Variants in TNKS observed in about 807,000 individuals in gnomAD.
TNKS encodes the protein tankyrase, also known as poly [ADP-ribose] polymerase tankyrase-1.
Under a neutral mutation model 135.8 loss-of-function variants are expected in TNKS, and 72 were observed. That is an observed-to-expected ratio of 0.53 (90% CI 0.44 to 0.64). The LOEUF is 0.64. Ranked by LOEUF, TNKS falls within the 30% of genes least tolerant of loss-of-function variation. TNKS has a pLI of 0.00. For synonymous variants in TNKS, 849 were observed against 649.3 expected (o/e 1.31, Z -4.68); for missense variants, 1,769 against 1,674.0 (o/e 1.06, Z -0.99).
chr8:9,606,283 T>C (rs1312470021), intron 2 of TNKS, among the ~76,000 whole-genome samples: 1 of 151,694 alleles, frequency 6.6e-6, no homozygotes. Context: ...ATATGTTGCT[T>C]TATTTATGAG....
At chr8:9,773,155 C>G (rs970886855) in intron 26 of TNKS, among the ~76,000 whole-genome samples, 1 of 151,584 alleles carries the variant, frequency 6.6e-6, no homozygotes, top group Non-Finnish European at 1.5e-5. Flanking sequence ...TATACTTCTT[C>G]TAGAAATTTG....
In TNKS at chr8:9,579,201, C is replaced by G. The variant is rs1262683509; in HGVS notation, c.674-958C>G. Among the ~76,000 whole-genome samples, 3 of 152,120 alleles carry G rather than the reference C, an allele frequency of 2.0e-5. No individual in the cohort carries two copies. In the East Asian group the frequency reaches 5.8e-4, roughly 29 times the overall value. ...TTTATATTCCCAAGTGCTTGTATTC[C>G]CACTCATTTGCCATATCGTTTCCTC... On this transcript the variant is annotated intron_variant, in intron 1 of 26. Coordinates refer to ENST00000310430, the MANE Select transcript of TNKS (RefSeq NM_003747.3).
At chr8:9,715,358 G>A (rs1372139768) in intron 11 of TNKS, among the ~76,000 whole-genome samples, 1 of 88,294 alleles carries the variant, frequency 1.1e-5, no homozygotes, top group Non-Finnish European at 2.7e-5. Flanking sequence ...TGTACTAGCA[G>A]CAGGGGGGGC....
At chr8:9,755,511 T>C (rs1011604461) in intron 20 of TNKS, among the ~76,000 whole-genome samples, 1 of 152,224 alleles carries the variant, frequency 6.6e-6, no homozygotes, top group Non-Finnish European at 1.5e-5. Context: ...ATCAAATTTA[T>C]TTTTATTTTA....
chr8:9,751,510 A>G, intron 18 of TNKS, 99 bp from the exon 19 acceptor site: 1 of 1,110,748 alleles, frequency 9.0e-7, no homozygotes, highest in Non-Finnish European at 1.3e-6. Context: ...TGAGGCATTC[A>G]TTAAGGAAAA....
intron 20 of TNKS, among the ~76,000 whole-genome samples, chr8:9,755,951 AAT>A: frequency 6.6e-6 from 1 of 152,182 alleles, no homozygotes; most frequent in East Asian, 1.9e-4. Flanking sequence ...TATGTTGAAT[AAT>A]ATAGTATCCT....
At chr8:9,722,223 A>G (rs990546102) in intron 12 of TNKS, among the ~76,000 whole-genome samples, 3 of 152,158 alleles carry the variant, frequency 2.0e-5, no homozygotes, top group Non-Finnish European at 4.4e-5. Flanking sequence ...GGACCCCAAG[A>G]AATACAGCCA....
intron 3 of TNKS, among the ~76,000 whole-genome samples, chr8:9,673,205 T>C (rs1238580900): frequency 6.6e-6 from 1 of 152,174 alleles, no homozygotes; most frequent in Non-Finnish European, 1.5e-5. Context: ...TTACTCGTAC[T>C]AAGAGAGGTC....
chr8:9,659,899 G>C (rs1801610628), intron 3 of TNKS, among the ~76,000 whole-genome samples: 1 of 152,108 alleles, frequency 6.6e-6, no homozygotes, highest in African/African-American at 2.4e-5. Flanking sequence ...AAATGATAAA[G>C]GGGATACCAC....
chr8:9,668,543 A>G (rs566912080), intron 3 of TNKS, among the ~76,000 whole-genome samples: 1 of 152,368 alleles, frequency 6.6e-6, no homozygotes, highest in South Asian at 2.1e-4. Context: ...AAGACTCAGA[A>G]TAAGCAAATA....
chr8:9,740,961 C>G (rs1000278249), intron 17 of TNKS: 1 of 151,724 alleles, frequency 6.6e-6, no homozygotes, highest in Admixed American at 6.6e-5. Flanking sequence ...AGGCGCCTGC[C>G]ACCACGCCCA....
intron 3 of TNKS, among the ~76,000 whole-genome samples, chr8:9,672,375 G>C (rs1802315767): frequency 6.6e-6 from 1 of 151,954 alleles, no homozygotes; most frequent in African/African-American, 2.4e-5. Flanking sequence ...GTGGAGACTG[G>C]GGCTGTACTA....
chr8:9,667,136 C>T (rs1563154795), intron 3 of TNKS, among the ~76,000 whole-genome samples: 1 of 152,116 alleles, frequency 6.6e-6, no homozygotes, highest in Admixed American at 6.5e-5. Flanking sequence ...ATAGAAACGA[C>T]AGAATACTCA....
intron 20 of TNKS, among the ~76,000 whole-genome samples, chr8:9,755,499 C>A (rs940607089): frequency 6.6e-6 from 1 of 152,188 alleles, no homozygotes; most frequent in Non-Finnish European, 1.5e-5. Context: ...AATCATCAAG[C>A]AATCAAATTT....
At chr8:9,653,278 C>T (rs552979200) in intron 3 of TNKS, among the ~76,000 whole-genome samples, 1 of 152,124 alleles carries the variant, frequency 6.6e-6, no homozygotes, top group African/African-American at 2.4e-5. Context: ...GGTTTGACTT[C>T]AGGGTCTGCT....
chr8:9,662,141 T>C (rs1801747866), intron 3 of TNKS, among the ~76,000 whole-genome samples: 1 of 152,204 alleles, frequency 6.6e-6, no homozygotes, highest in Non-Finnish European at 1.5e-5. Context: ...TTTTACACTG[T>C]TGGTGGGACT....
intron 17 of TNKS, among the ~76,000 whole-genome samples, chr8:9,744,287 T>C (rs977314116): frequency 6.6e-6 from 1 of 152,218 alleles, no homozygotes; most frequent in Non-Finnish European, 1.5e-5. Context: ...TTGATACTTA[T>C]TACCACAAAG....
At chr8:9,671,651 G>A (rs1802275242) in intron 3 of TNKS, among the ~76,000 whole-genome samples, 1 of 152,282 alleles carries the variant, frequency 6.6e-6, no homozygotes, top group South Asian at 2.1e-4. Flanking sequence ...TGGTGTGATA[G>A]AAATGTTTCC....
chr8:9,655,302 C>T (rs950912946), intron 3 of TNKS, among the ~76,000 whole-genome samples: 2 of 152,224 alleles, frequency 1.3e-5, no homozygotes, highest in Admixed American at 6.5e-5. Flanking sequence ...CCTCTGTAGG[C>T]TCCACCTCTG....
Sources: allele counts gnomAD v4.1 joint callset (sites outside exome capture counted in the v4.1 genomes callset), GRCh38; gene constraint gnomAD v4.1.1; transcripts MANE v1.5; gene names NCBI Gene and HGNC (gene_info 2026-07-23, HGNC 2026-07-21).